Variants in XRCC4 observed in about 807,000 individuals in gnomAD.
XRCC4 encodes the protein X-ray repair cross complementing 4, also known as DNA repair protein XRCC4.
XRCC4 carries 28 observed loss-of-function variants against 39.1 expected under a neutral mutation model. The ratio of observed to expected loss-of-function variants is 0.72; its 90% CI spans 0.53 to 0.98. XRCC4 has a LOEUF of 0.98. Ranked by LOEUF, XRCC4 falls within the 50% of genes least tolerant of loss-of-function variation. XRCC4 has a pLI of 0.00. For synonymous variants in XRCC4, 123 were observed against 126.4 expected, an observed-to-expected ratio of 0.97 and a Z score of 0.18; for missense variants, 350 against 376.4, an observed-to-expected ratio of 0.93 and a Z score of 0.58.
intron 6 of XRCC4, among the ~76,000 whole-genome samples, chr5:83,209,157 C>T (rs1363390046): frequency 6.6e-6 from 1 of 150,654 alleles, no homozygotes; most frequent in African/African-American, 2.4e-5. Flanking sequence ...ATTATAGATA[C>T]TGTGAAACAG....
the XRCC4 span, among the ~76,000 whole-genome samples, chr5:83,367,823 C>T: frequency 1.3e-5 from 2 of 151,208 alleles, no homozygotes; most frequent in Admixed American, 1.3e-4. Flanking sequence ...GAACTCCTGA[C>T]CTCAAGTGAT....
chr5:83,091,417 G>T (rs1432003166), intron 1 of XRCC4, among the ~76,000 whole-genome samples: 1 of 152,100 alleles, frequency 6.6e-6, no homozygotes, highest in Admixed American at 6.6e-5. Context: ...AGTCGTCCCT[G>T]TGATCCAATC....
At chr5:83,347,532 A>G (rs1021065604) in intron 7 of XRCC4, among the ~76,000 whole-genome samples, 21 of 152,090 alleles carry the variant, frequency 1.4e-4, no homozygotes, top group African/African-American at 5.1e-4. Context: ...TCTCATGAGA[A>G]CTCACACACT....
intron 4 of XRCC4, among the ~76,000 whole-genome samples, chr5:83,198,374 A>G (rs892028532): frequency 1.3e-5 from 2 of 152,280 alleles, no homozygotes; most frequent in African/African-American, 4.8e-5. Context: ...TTACTACCCC[A>G]TAGGATATTA....
intron 3 of XRCC4, among the ~76,000 whole-genome samples, chr5:83,151,076 A>G (rs1055801128): frequency 6.6e-6 from 1 of 152,144 alleles, no homozygotes; most frequent in African/African-American, 2.4e-5. Context: ...GCAAGGCTTC[A>G]TATATACATT....
chr5:83,183,572 G>A (rs1389200792), intron 3 of XRCC4, among the ~76,000 whole-genome samples: 1 of 151,854 alleles, frequency 6.6e-6, no homozygotes, highest in African/African-American at 2.4e-5. Flanking sequence ...TTGAGTATCC[G>A]CCAGTTTCTG....
At chr5:83,163,388 T>C (rs1457496366) in intron 3 of XRCC4, among the ~76,000 whole-genome samples, 2 of 152,236 alleles carry the variant, frequency 1.3e-5, no homozygotes, top group Admixed American at 1.3e-4. Context: ...TACAAACTGA[T>C]TGATTACTGT....
At chr5:83,233,530 T>G (rs1382020661) in intron 6 of XRCC4, among the ~76,000 whole-genome samples, 3 of 152,110 alleles carry the variant, frequency 2.0e-5, no homozygotes, top group Admixed American at 6.6e-5. Flanking sequence ...AAAGGACAGA[T>G]CCTCTCTTGG....
intron 7 of XRCC4, among the ~76,000 whole-genome samples, chr5:83,303,006 A>T (rs1006143390): frequency 6.6e-6 from 1 of 152,158 alleles, no homozygotes; most frequent in Non-Finnish European, 1.5e-5. Flanking sequence ...TGAGGTCAGG[A>T]GTTCGAGATT....
At chr5:83,358,698 C>A (rs1757216536), downstream of XRCC4, among the ~76,000 whole-genome samples, 1 of 152,146 alleles carries the variant, frequency 6.6e-6, no homozygotes. Flanking sequence ...TAGAGAAAAT[C>A]TCTGACTTAA....
chr5:83,276,278 G>C (rs570272252), intron 7 of XRCC4, among the ~76,000 whole-genome samples: 1 of 152,196 alleles, frequency 6.6e-6, no homozygotes, highest in African/African-American at 2.4e-5. Context: ...TTCTAAGATA[G>C]GTTAGGCTAA....
chr5:83,251,006 CCTA>C (rs1447504918), intron 6 of XRCC4, among the ~76,000 whole-genome samples: 1 of 152,076 alleles, frequency 6.6e-6, no homozygotes, highest in African/African-American at 2.4e-5. Context: ...GTCTTTCTGT[CCTA>C]CTTAATTATA....
At chr5:83,279,337 A>C (rs1486048652) in intron 7 of XRCC4, among the ~76,000 whole-genome samples, 1 of 151,914 alleles carries the variant, frequency 6.6e-6, no homozygotes, top group Non-Finnish European at 1.5e-5. Flanking sequence ...ATCACCAAAA[A>C]TAATAAAAAT....
intron 6 of XRCC4, among the ~76,000 whole-genome samples, chr5:83,252,794 G>T (rs1753375219): frequency 6.6e-6 from 1 of 152,050 alleles, no homozygotes; most frequent in African/African-American, 2.4e-5. Context: ...ATCTCATCTG[G>T]AGGTTTATAA....
At chr5:83,246,026 A>G (rs1753087451) in intron 6 of XRCC4, among the ~76,000 whole-genome samples, 3 of 151,828 alleles carry the variant, frequency 2.0e-5, no homozygotes, top group Non-Finnish European at 4.4e-5. Context: ...TTGCAAGTTA[A>G]TTTTTTTCTA....
intron 7 of XRCC4, among the ~76,000 whole-genome samples, chr5:83,325,254 ATT>A (rs1216856733): frequency 1.3e-5 from 2 of 151,972 alleles, no homozygotes; most frequent in African/African-American, 2.4e-5. Context: ...ATTTCATTTT[ATT>A]TTGTTATTAT....
At chr5:83,254,025 C>T (rs993189649) in intron 6 of XRCC4, among the ~76,000 whole-genome samples, 1 of 151,546 alleles carries the variant, frequency 6.6e-6, no homozygotes, top group Non-Finnish European at 1.5e-5. Flanking sequence ...AAATTCATCC[C>T]ACGGCCATAC....
At chr5:83,239,461 A>G (rs1035294059) in intron 6 of XRCC4, among the ~76,000 whole-genome samples, 1 of 152,230 alleles carries the variant, frequency 6.6e-6, no homozygotes, top group African/African-American at 2.4e-5. Flanking sequence ...AGTGAGCAAG[A>G]GAGCTACAGT....
At chr5:83,334,199 A>T (rs1756523207) in intron 7 of XRCC4, among the ~76,000 whole-genome samples, 1 of 152,172 alleles carries the variant, frequency 6.6e-6, no homozygotes, top group African/African-American at 2.4e-5. Flanking sequence ...TCAAAATAGA[A>T]CTTTCATTTA....
Sources: gnomAD v4.1 joint callset for allele counts (sites outside exome capture counted in the v4.1 genomes callset) on GRCh38, gnomAD v4.1.1 for gene constraint, MANE v1.5 for transcripts, NCBI Gene and HGNC (gene_info 2026-07-23, HGNC 2026-07-21) for gene names.